The following TMEM132B variants were observed in gnomAD, a reference collection of about 807,000 sequenced individuals.
The protein encoded by TMEM132B is transmembrane protein 132B.
In TMEM132B, 18 loss-of-function variants were observed where a neutral mutation model predicts 90.8. That is an observed-to-expected ratio of 0.20 (90% confidence interval 0.14 to 0.29). The LOEUF is 0.29. TMEM132B is among the 10% of genes least tolerant of loss of function. The pLI, the probability that TMEM132B is intolerant of heterozygous loss-of-function variation, is 1.00. For synonymous variants in TMEM132B, 504 were observed against 523.3 expected (o/e 0.96, Z 0.50); for missense variants, 1,096 against 1,326.8 (o/e 0.83, Z 2.70).
chr12:125,603,704 T>C (rs1351944027), intron 5 of TMEM132B, among the ~76,000 whole-genome samples: 2 of 152,242 alleles, frequency 1.3e-5, no homozygotes, highest in Non-Finnish European at 2.9e-5. Context: ...TCTACCCATC[T>C]GACAAAGATC....
intron 5 of TMEM132B, among the ~76,000 whole-genome samples, chr12:125,615,333 G>GTCTA (rs775174698): frequency 3.7e-4 from 56 of 151,384 alleles, no homozygotes; most frequent in East Asian, 1.2e-3. Context: ...ATATCTGTCT[G>GTCTA]TCTATCTATC....
intron 3 of TMEM132B, among the ~76,000 whole-genome samples, chr12:125,516,050 TTC>T (rs1231452206): frequency 2.0e-5 from 3 of 151,338 alleles, no homozygotes; most frequent in African/African-American, 4.9e-5. Context: ...CATTCACGCA[TTC>T]TCTCACATAT....
intron 3 of TMEM132B, among the ~76,000 whole-genome samples, chr12:125,470,183 G>A (rs898119529): frequency 6.6e-6 from 1 of 152,124 alleles, no homozygotes; most frequent in Non-Finnish European, 1.5e-5. Flanking sequence ...TCCTTTGCTG[G>A]GAGGAGTGAG....
chr12:125,563,011 G>T lies in TMEM132B; in HGVS notation c.1294-20840G>T, dbSNP rs531822427. Among the ~76,000 whole-genome samples the T allele has an allele frequency of 3.9e-5, 6 of 152,042 alleles. No homozygotes were observed. The South Asian group carries it at 1.2e-3, about 32-fold the overall frequency. On this transcript the variant is annotated intron_variant, in intron 4 of 8. Coordinates refer to ENST00000682704, the MANE Select transcript of TMEM132B (RefSeq NM_001366854.1). Reference sequence around the variant, plus strand: ...GGCCGAAGGAGAGGGAGAGAGACAGGGGAATGGCTGGTCAGTGGAGCAGTC... The same window carrying T: ...GGCCGAAGGAGAGGGAGAGAGACAGTGGAATGGCTGGTCAGTGGAGCAGTC...
chr12:125,207,414 T>G (rs1461754448), intron 1 of TMEM132B, among the ~76,000 whole-genome samples: 2 of 152,210 alleles, frequency 1.3e-5, no homozygotes, highest in Non-Finnish European at 2.9e-5. Flanking sequence ...TAATTTCTGT[T>G]GCCTGTTGGA....
At chr12:125,622,977 T>C (rs1318358970) in intron 5 of TMEM132B, among the ~76,000 whole-genome samples, 1 of 152,216 alleles carries the variant, frequency 6.6e-6, no homozygotes, top group African/African-American at 2.4e-5. Flanking sequence ...AATGTTTATC[T>C]TTTCTTTGAC....
At chr12:125,639,209 A>G (rs1385612618) in intron 5 of TMEM132B, among the ~76,000 whole-genome samples, 3 of 152,190 alleles carry the variant, frequency 2.0e-5, no homozygotes, top group Admixed American at 1.3e-4. Flanking sequence ...TAGAGATCTT[A>G]ATTCTGAGTT....
intron 2 of TMEM132B, among the ~76,000 whole-genome samples, chr12:125,399,430 T>C (rs1298458210): frequency 6.6e-6 from 1 of 151,790 alleles, no homozygotes; most frequent in Non-Finnish European, 1.5e-5. Context: ...CTTGCTTATC[T>C]TGTTGCTGTG....
intron 3 of TMEM132B, among the ~76,000 whole-genome samples, chr12:125,434,063 G>T (rs12579053): frequency 0.17 from 25,335 of 152,112 alleles, 3,268 homozygotes; most frequent in African/African-American, 0.34. Context: ...TAAATTTCGC[G>T]GGGTGTTAAG....
chr12:125,292,209 T>A (rs990423898), intron 1 of TMEM132B, among the ~76,000 whole-genome samples: 2 of 152,250 alleles, frequency 1.3e-5, no homozygotes, highest in African/African-American at 4.8e-5. Context: ...TTAAACCTTC[T>A]AATTCTCCTC....
Position 125,654,096 on chromosome 12 carries a change from C to T in TMEM132B, c.2638C>T (p.Gln880Ter). The T allele has an allele frequency of 6.2e-7, 1 of 1,614,178 alleles. No homozygotes were observed. The highest frequency in any genetic ancestry group is 8.5e-7 in the Non-Finnish European group (1 of 1,180,028). ...GPDAFTSFPT[Q>*]GKSPDPNNPS... is the part of the protein sequence containing the mutation. ...AGATGCCTTTACAAGCTTCCCCACT[C>T]AAGGGAAGTCACCGGACCCCAATAA... The change falls in exon 9 of 9, where the codon CAA becomes TAA. Residue 880 changes from glutamine (Q) to a stop codon, truncating the protein, a stop_gained. Transcript: ENST00000682704. LOFTEE classifies it high-confidence loss of function. This position sits in a 1 kb window ranked among gnomAD's most constrained non-coding sequence, Gnocchi z 5.8.
intron 3 of TMEM132B, among the ~76,000 whole-genome samples, chr12:125,496,160 G>C (rs1405289869): frequency 6.6e-6 from 1 of 152,144 alleles, no homozygotes; most frequent in Non-Finnish European, 1.5e-5. Flanking sequence ...CTGGAAATTA[G>C]CCTCCCTGGA....
At position 125,566,974 on chromosome 12, in the gene TMEM132B, G is replaced by T. The variant is rs139449269; in HGVS notation, c.1294-16877G>T. 9.1e-4 allele frequency among the ~76,000 whole-genome samples: 137 copies of T among 151,240 alleles called. 1 individual carries two copies. The highest frequency in any genetic ancestry group is 3.0e-3 in the African/African-American group (125 of 41,094). On this transcript the variant is annotated intron_variant, in intron 4 of 8. Transcript: ENST00000682704. ...TTCTCCTGCCTCAGCCTCCAGAATA[G>T]CTGGGATTACAGGTGCCCACCACCA... is the stretch of plus-strand genomic sequence containing the variant.
At chr12:125,605,327 G>A (rs1009752622) in intron 5 of TMEM132B, among the ~76,000 whole-genome samples, 2 of 152,158 alleles carry the variant, frequency 1.3e-5, no homozygotes, top group African/African-American at 2.4e-5. Flanking sequence ...ACAGTTAACC[G>A]GCTGAGCTGG....
intron 3 of TMEM132B, among the ~76,000 whole-genome samples, chr12:125,421,361 T>C (rs542267955): frequency 1.7e-3 from 263 of 152,320 alleles, no homozygotes; most frequent in African/African-American, 6.1e-3. Flanking sequence ...CTCACAATCA[T>C]GGCTGAAGGT....
chr12:125,381,346 T>C (rs1033165077), intron 2 of TMEM132B, among the ~76,000 whole-genome samples: 1 of 151,632 alleles, frequency 6.6e-6, no homozygotes, highest in African/African-American at 2.4e-5. Context: ...AAAGCAGAAG[T>C]GAGAGGATGG....
chr12:125,354,908 A>G (rs182667621), intron 2 of TMEM132B, among the ~76,000 whole-genome samples: 2 of 152,302 alleles, frequency 1.3e-5, no homozygotes, highest in East Asian at 1.9e-4. Flanking sequence ...CAGCCAGCAT[A>G]CAAGGTAAGT....
At chr12:125,529,794 G>C (rs1883595025) in intron 4 of TMEM132B, among the ~76,000 whole-genome samples, 1 of 152,246 alleles carries the variant, frequency 6.6e-6, no homozygotes, top group Non-Finnish European at 1.5e-5. Context: ...TCTAAACAGT[G>C]CTTGAATACA....
At chr12:125,451,675 C>T (rs1297859016) in intron 3 of TMEM132B, among the ~76,000 whole-genome samples, 4 of 151,420 alleles carry the variant, frequency 2.6e-5, no homozygotes, top group African/African-American at 4.8e-5. Flanking sequence ...TACCTCGTCT[C>T]CTCATGTGTG....
Sources: allele counts gnomAD v4.1 joint callset (sites outside exome capture counted in the v4.1 genomes callset), GRCh38; gene constraint gnomAD v4.1.1; non-coding constraint Gnocchi (gnomAD v3.1); transcripts MANE v1.5; gene names NCBI Gene and HGNC (gene_info 2026-07-23, HGNC 2026-07-21).